The following CNTNAP3B variants were observed in gnomAD, a reference collection of about 807,000 sequenced individuals.
CNTNAP3B encodes the protein contactin associated protein family member 3B, also known as contactin-associated protein-like 3B.
CNTNAP3B carries 25 observed loss-of-function variants against 108.9 expected under a neutral mutation model. That is an observed-to-expected ratio of 0.23 (90% CI 0.17 to 0.32). The LOEUF is 0.32. CNTNAP3B is among the 10% of genes least tolerant of loss of function. CNTNAP3B has a pLI of 1.00. For missense variants in CNTNAP3B, 252 were observed against 1,210.4 expected (o/e 0.21, Z 11.75); for synonymous variants, 103 against 473.4 (o/e 0.22, Z 10.16).
chr9:41,934,102 T>C (rs1209028533), intron 14 of CNTNAP3B, among the ~76,000 whole-genome samples: 1 of 129,700 alleles, frequency 7.7e-6, no homozygotes, highest in South Asian at 2.3e-4. Context: ...ATTTGTTACA[T>C]ATATATATAT....
chr9:42,010,612 T>TGAAG (rs1212458095), intron 4 of CNTNAP3B, among the ~76,000 whole-genome samples: 12 of 102,696 alleles, frequency 1.2e-4, no homozygotes, highest in Non-Finnish European at 2.1e-4. Flanking sequence ...GCTTTAAGCA[T>TGAAG]GTTTCAACAA....
chr9:42,076,467 G>C, intron 3 of CNTNAP3B, among the ~76,000 whole-genome samples: 1 of 122,630 alleles, frequency 8.2e-6, no homozygotes, highest in Non-Finnish European at 1.7e-5. Context: ...AAATCTGGCT[G>C]CTTAATAAAG....
chr9:41,977,620 CTTTT>C (rs1174385380), intron 9 of CNTNAP3B, among the ~76,000 whole-genome samples: 2 of 116,570 alleles, frequency 1.7e-5, no homozygotes, highest in Admixed American at 8.7e-5. Flanking sequence ...TGAATTTTAC[CTTTT>C]TTTTTTTTTT....
intron 11 of CNTNAP3B, among the ~76,000 whole-genome samples, chr9:41,963,753 C>A (rs1208528190): frequency 6.6e-6 from 1 of 151,396 alleles, no homozygotes; most frequent in Non-Finnish European, 1.5e-5. Flanking sequence ...GGCTGTGGAG[C>A]CAACCTCCTT....
At chr9:42,001,492 A>G (rs1006160780) in intron 4 of CNTNAP3B, among the ~76,000 whole-genome samples, 15 of 136,818 alleles carry the variant, frequency 1.1e-4, no homozygotes, top group South Asian at 2.3e-4. Flanking sequence ...ACACTAAAAT[A>G]AAATAATTCC....
chr9:42,090,840 TAC>T (rs200483365), intron 2 of CNTNAP3B, among the ~76,000 whole-genome samples: 52,663 of 72,834 alleles, frequency 0.72, 20,195 homozygotes, highest in Non-Finnish European at 0.77. Context: ...TGCAACTGAA[TAC>T]ACACACACAC....
intron 14 of CNTNAP3B, among the ~76,000 whole-genome samples, chr9:41,935,858 T>C: frequency 6.6e-6 from 1 of 152,292 alleles, no homozygotes; most frequent in Non-Finnish European, 1.5e-5. Context: ...GTCACACCAG[T>C]GCAGTCCTTG....
intron 12 of CNTNAP3B, among the ~76,000 whole-genome samples, chr9:41,956,500 T>C (rs1362884655): frequency 1.3e-5 from 2 of 152,220 alleles, no homozygotes; most frequent in African/African-American, 2.4e-5. Flanking sequence ...ACGGGGATTG[T>C]CTGCACTTAA....
At chr9:41,944,830 G>A (rs1214309268) in intron 13 of CNTNAP3B, among the ~76,000 whole-genome samples, 1 of 152,280 alleles carries the variant, frequency 6.6e-6, no homozygotes, top group South Asian at 2.1e-4. Context: ...GAGTGAACAG[G>A]CAACCTATAG....
Position 42,117,271 on chromosome 9 carries a change from G to A in CNTNAP3B, c.85+11739C>T, listed in dbSNP as rs542495633. ...TTACTCCAAAATTGACCACATAGTT[G>A]GAAGTAAAGCACTCCTCGGCAAACG... On this transcript the variant is annotated intron_variant, in intron 1 of 23. Coordinates refer to ENST00000377561, the MANE Select transcript of CNTNAP3B (RefSeq NM_001201380.3). Among the ~76,000 whole-genome samples, 301 of 133,540 alleles carry A rather than the reference G, an allele frequency of 2.3e-3. 1 individual carries two copies. The highest frequency in any genetic ancestry group is 1.2e-3 in the Non-Finnish European group (74 of 63,508). The allele number at this position is 133,540 out of a possible 152,430, so 87.6% of individuals were successfully genotyped here.
At chr9:41,924,675 A>ACACACACG (rs1823762819) in intron 15 of CNTNAP3B, among the ~76,000 whole-genome samples, 2 of 151,356 alleles carry the variant, frequency 1.3e-5, no homozygotes, top group Admixed American at 1.3e-4. Context: ...ACACACACAC[A>ACACACACG]CACACACACA....
intron 15 of CNTNAP3B, among the ~76,000 whole-genome samples, chr9:41,927,975 A>T (rs1404295253): frequency 6.9e-6 from 1 of 144,542 alleles, no homozygotes; most frequent in Non-Finnish European, 1.5e-5. Flanking sequence ...TATTCAAAGC[A>T]TAATAAAAAC....
chr9:41,920,601 C>A (rs1381761957), intron 17 of CNTNAP3B, among the ~76,000 whole-genome samples: 14 of 152,416 alleles, frequency 9.2e-5, no homozygotes, highest in African/African-American at 3.4e-4. Context: ...AGTTCCTTTA[C>A]AAAGAACAAA....
At position 41,927,401 on chromosome 9, in the gene CNTNAP3B, G is replaced by T. The variant is rs1178698895; in HGVS notation, c.2365+1916C>A. 2.9e-5 allele frequency among the ~76,000 whole-genome samples: 4 copies of T among 138,366 alleles called. No homozygotes were observed. The East Asian group carries it at 8.1e-4, about 28-fold the overall frequency. 90.8% of individuals were successfully genotyped at this position (138,366 alleles called of 152,430 possible). ...AACATACTGAGAAAGAAAAAAAGAA[G>T]ACAGGAAAGAAAGAAAGAAAAAGAA... On this transcript the variant is annotated intron_variant, in intron 15 of 23. Coordinates refer to ENST00000377561, the MANE Select transcript of CNTNAP3B (RefSeq NM_001201380.3).
intron 10 of CNTNAP3B, among the ~76,000 whole-genome samples, chr9:41,966,513 C>T (rs1825279196): frequency 6.6e-6 from 1 of 152,254 alleles, no homozygotes; most frequent in Non-Finnish European, 1.5e-5. Context: ...GGGTCAGCAG[C>T]CTGGTCAGCA....
At chr9:42,094,990 A>G (rs1022363192) in intron 2 of CNTNAP3B, among the ~76,000 whole-genome samples, 3 of 137,682 alleles carry the variant, frequency 2.2e-5, no homozygotes, top group African/African-American at 8.6e-5. Context: ...GCTAATCAGC[A>G]TATCAGTCAC....
intron 15 of CNTNAP3B, among the ~76,000 whole-genome samples, chr9:41,925,686 T>A (rs1823799126): frequency 1.3e-5 from 2 of 152,304 alleles, no homozygotes; most frequent in Non-Finnish European, 2.9e-5. Context: ...TTCACGTCAC[T>A]CTTGAATTTG....
chr9:41,935,074 G>A (rs1417606664), intron 14 of CNTNAP3B, among the ~76,000 whole-genome samples: 2 of 152,234 alleles, frequency 1.3e-5, no homozygotes, highest in Non-Finnish European at 2.9e-5. Flanking sequence ...TTTGAACATA[G>A]TCCACTATAC....
intron 3 of CNTNAP3B, among the ~76,000 whole-genome samples, chr9:42,029,530 T>C (rs1486777399): frequency 8.0e-6 from 1 of 125,054 alleles, no homozygotes; most frequent in African/African-American, 3.4e-5. Flanking sequence ...CACATATACA[T>C]TCTTTTTTTT....
Sources: gnomAD v4.1 joint callset for allele counts (sites outside exome capture counted in the v4.1 genomes callset) on GRCh38, gnomAD v4.1.1 for gene constraint, MANE v1.5 for transcripts, NCBI Gene and HGNC (gene_info 2026-07-23, HGNC 2026-07-21) for gene names.